The following RICTOR variants were observed in gnomAD, a reference collection of about 807,000 sequenced individuals.
The protein encoded by RICTOR is rapamycin-insensitive companion of mTOR.
A neutral mutation model predicts 214.9 loss-of-function variants in RICTOR; 49 were observed. That is an observed-to-expected ratio of 0.23 (90% confidence interval 0.18 to 0.29). The LOEUF is 0.29. Ranked by LOEUF, RICTOR falls within the 10% of genes least tolerant of loss-of-function variation. RICTOR has a pLI of 1.00. For synonymous variants in RICTOR, 717 were observed against 711.3 expected, an observed-to-expected ratio of 1.01 and a Z score of -0.13; for missense variants, 1,625 against 2,047.0, an observed-to-expected ratio of 0.79 and a Z score of 3.98.
intron 2 of RICTOR, among the ~76,000 whole-genome samples, chr5:39,029,289 C>G (rs528615608): frequency 6.6e-6 from 1 of 151,950 alleles, no homozygotes; most frequent in African/African-American, 2.4e-5. Context: ...TTTAAACACA[C>G]ACATATACAA....
intron 2 of RICTOR, among the ~76,000 whole-genome samples, chr5:39,047,192 C>T (rs904622204): frequency 2.0e-5 from 3 of 152,214 alleles, no homozygotes; most frequent in Admixed American, 6.5e-5. Context: ...TAGTCCCCAA[C>T]CTTTTTGGCC....
At position 38,958,810 on chromosome 5, in the gene RICTOR, T is replaced by C; in HGVS notation, c.2200A>G (p.Lys734Glu). Reference sequence around the variant, plus strand: ...GCTCTCAATAATACCCTTAAATGTTTTGTTGCATAGAGTCTGCAGGCCTAT... The same window carrying C: ...GCTCTCAATAATACCCTTAAATGTTCTGTTGCATAGAGTCTGCAGGCCTAT... The part of the protein sequence containing the change: ...ATDACRLYAT[K>E]HLRVLLRANV... The change falls in exon 23 of 38, where the codon AAA becomes GAA. Residue 734 changes from lysine (K) to glutamate (E), a missense_variant. By Grantham distance (56) the Lys-to-Glu change is moderately conservative. This residue lies in a region of RICTOR where 1,214 missense variants were observed against 1,470.5 expected (regional missense o/e 0.83). Transcript: ENST00000357387. 1 of 1,601,506 alleles carries C rather than the reference T, an allele frequency of 6.2e-7. No homozygotes were observed. The highest frequency in any genetic ancestry group is 8.5e-7 in the Non-Finnish European group (1 of 1,174,544).
intron 2 of RICTOR, among the ~76,000 whole-genome samples, chr5:39,057,834 AT>A (rs1326685474): frequency 4.6e-5 from 7 of 152,146 alleles, no homozygotes; most frequent in African/African-American, 1.7e-4. Context: ...GAGTGTATGT[AT>A]AAAAATTTAA....
chr5:39,073,918 C>CGCT (rs1336630082), intron 2 of RICTOR, among the ~76,000 whole-genome samples, 193 bp downstream of exon 2: 4 of 151,902 alleles, frequency 2.6e-5, no homozygotes, highest in Admixed American at 2.6e-4. Flanking sequence ...GGGAAGCGGG[C>CGCT]GCTGGGTAGG....
At chr5:39,023,803 C>T (rs1272907068) in intron 2 of RICTOR, among the ~76,000 whole-genome samples, 1 of 152,174 alleles carries the variant, frequency 6.6e-6, no homozygotes, top group Non-Finnish European at 1.5e-5. Flanking sequence ...TTGTCTATGA[C>T]AACAAATGTG....
intron 2 of RICTOR, among the ~76,000 whole-genome samples, chr5:39,036,666 C>A (rs536405058): frequency 1.3e-5 from 2 of 152,204 alleles, no homozygotes; most frequent in South Asian, 4.1e-4. Flanking sequence ...GGGTTGCAAT[C>A]CTAGTCTCTG....
intron 7 of RICTOR, among the ~76,000 whole-genome samples, chr5:38,990,604 A>C (rs1325834150): frequency 1.6e-5 from 2 of 125,846 alleles, no homozygotes; most frequent in East Asian, 2.2e-4. Context: ...TACGATATAT[A>C]TGATATATAT....
chr5:38,996,923 T>C (rs780129895), intron 5 of RICTOR, 41 bp from the exon 6 acceptor site: 12 of 1,384,198 alleles, frequency 8.7e-6, no homozygotes, highest in Non-Finnish European at 1.2e-5. Flanking sequence ...TAAAATTCTA[T>C]TAAACAACTT....
chr5:39,048,331 C>T (rs528724875), intron 2 of RICTOR, among the ~76,000 whole-genome samples: 329 of 152,336 alleles, frequency 2.2e-3, no homozygotes, highest in Non-Finnish European at 4.2e-3. Flanking sequence ...AGCTGGCATA[C>T]AGGAACTTAA....
intron 2 of RICTOR, among the ~76,000 whole-genome samples, chr5:39,064,872 G>A (rs1424454561): frequency 6.6e-6 from 1 of 152,170 alleles, no homozygotes; most frequent in Non-Finnish European, 1.5e-5. Context: ...AAAGGTAGGA[G>A]GCTAAAGTGC....
At chr5:38,991,898 ATTTT>A (rs1266406053) in intron 6 of RICTOR, among the ~76,000 whole-genome samples, 1 of 152,248 alleles carries the variant, frequency 6.6e-6, no homozygotes, top group East Asian at 1.9e-4. Context: ...GAAATAAAAT[ATTTT>A]GTTTGTATAG....
At position 39,004,362 on chromosome 5, in the gene RICTOR, C is replaced by A. The variant is rs77153286; in HGVS notation, c.196-740G>T. Among the ~76,000 whole-genome samples, 719 of 152,160 alleles carry A rather than the reference C, an allele frequency of 4.7e-3. 11 individuals are homozygous for A. Among genetic ancestry groups the A allele is most frequent in the African/African-American group, 0.017 (693 of 41,506 alleles). ...AGAAGTTTAGGTTAGCTGCTATTTT[C>A]CTCCAACAGTTTCAAGATGGCCTCC... On this transcript the variant is annotated intron_variant, in intron 3 of 37. Coordinates refer to ENST00000357387, the MANE Select transcript of RICTOR (RefSeq NM_152756.5).
intron 7 of RICTOR, among the ~76,000 whole-genome samples, chr5:38,987,215 G>A (rs1561496087): frequency 6.6e-6 from 1 of 152,134 alleles, no homozygotes; most frequent in Non-Finnish European, 1.5e-5. Context: ...CCAGGTTTTG[G>A]TATCAGGATG....
chr5:39,037,660 C>T (rs898097778), intron 2 of RICTOR, among the ~76,000 whole-genome samples: 5 of 152,196 alleles, frequency 3.3e-5, no homozygotes, highest in African/African-American at 1.2e-4. Flanking sequence ...CACAGACATA[C>T]AAACTACGAT....
Position 38,945,495 on chromosome 5 carries a change from A to G in RICTOR, c.4629T>C (p.His1543=), listed in dbSNP as rs753198839. The G allele has an allele frequency of 1.2e-6, 2 of 1,601,484 alleles. No individual in the cohort carries two copies. The highest frequency in any genetic ancestry group is 1.7e-6 in the Non-Finnish European group (2 of 1,168,808). Residue 1543 remains histidine (H), a synonymous_variant, in exon 34 of 38, where the codon CAT becomes CAC. Transcript: ENST00000357387. The part of the protein sequence containing the change: ...PSNQLSAICS[H]SDFQDIPYSD... ...AGGTGGGACGTGATCACTTACCTGA[A>G]TGACTACATATTGCACTCAGTTGGT...
chr5:39,004,003 T>A (rs62359819), intron 3 of RICTOR, among the ~76,000 whole-genome samples: 8,422 of 152,292 alleles, frequency 0.055, 268 homozygotes, highest in South Asian at 0.072. Context: ...TCTCACACTT[T>A]AATTTCACTT....
intron 3 of RICTOR, among the ~76,000 whole-genome samples, chr5:39,006,760 G>C (rs1754093842): frequency 1.1e-5 from 1 of 93,308 alleles, no homozygotes; most frequent in African/African-American, 4.3e-5. Flanking sequence ...GAGGAGGGGA[G>C]AGGAGGGGAG....
At position 38,979,614 on chromosome 5, in the gene RICTOR, G is replaced by GGTTAT. The variant is rs763084739; in HGVS notation, c.754-969_754-965dup. 6.6e-5 allele frequency among the ~76,000 whole-genome samples: 10 copies of GGTTAT among 152,114 alleles called. No homozygotes were observed. The East Asian group carries it at 1.2e-3, about 18-fold the overall frequency. On this transcript the variant is annotated intron_variant, in intron 8 of 37. Coordinates refer to ENST00000357387, the MANE Select transcript of RICTOR (RefSeq NM_152756.5). ...GAGTCTAGGAGAGGCTTGGCTACATGGTTATGGCTCAAAGTCTCATAAGAT... is the reference window on the plus strand; with the variant it reads ...GAGTCTAGGAGAGGCTTGGCTACATGGTTATGTTATGGCTCAAAGTCTCATAAGAT...
rs376813313 is a variant in RICTOR at position 38,969,166 on chromosome 5, T to G, written c.973-1136A>C. ...TTGTATTTTCAGTAGCGATGGGGGTTTCACCATGTTGGCCAGGCTGGTCTC... is the reference window on the plus strand; with the variant it reads ...TTGTATTTTCAGTAGCGATGGGGGTGTCACCATGTTGGCCAGGCTGGTCTC... On this transcript the variant is annotated intron_variant, in intron 11 of 37. Coordinates refer to ENST00000357387, the MANE Select transcript of RICTOR (RefSeq NM_152756.5). Among the ~76,000 whole-genome samples, 4 of 151,986 alleles carry G rather than the reference T, an allele frequency of 2.6e-5. No homozygotes were observed. In the East Asian group the frequency reaches 5.8e-4, roughly 22 times the overall value.
Sources: allele counts gnomAD v4.1 joint callset (sites outside exome capture counted in the v4.1 genomes callset), GRCh38; gene constraint gnomAD v4.1.1; regional missense constraint gnomAD v4.1.1; transcripts MANE v1.5; gene names NCBI Gene and HGNC (gene_info 2026-07-23, HGNC 2026-07-21).